The following PFKFB1 variants were observed in gnomAD, a reference collection of about 807,000 sequenced individuals.
PFKFB1 encodes the protein 6-phosphofructo-2-kinase/fructose-2,6-bisphosphatase 1.
A neutral mutation model predicts 46.4 loss-of-function variants in PFKFB1; 34 were observed. The ratio of observed to expected loss-of-function variants is 0.73; its 90% CI spans 0.56 to 0.98. The LOEUF (loss-of-function observed/expected upper bound fraction) is 0.98, where lower values mean the gene tolerates loss of function less well. PFKFB1 is among the 50% of genes least tolerant of loss of function. PFKFB1 has a pLI of 0.00. For synonymous variants in PFKFB1, 119 were observed against 133.8 expected (o/e 0.89, Z 0.76); for missense variants, 393 against 376.3 (o/e 1.04, Z -0.37).
chrX:54,959,827 C>T lies in PFKFB1; in HGVS notation c.384G>A (p.Ala128=), dbSNP rs201183926. The part of the protein sequence containing the change: ...NYLSHEEGHV[A]VFDATNTTRE... ...AGGAAAAAATAAAAAATTTCTTTAC[C>T]GCAACATGACCTTCCTCATGGCTGA... Residue 128 remains alanine, a splice_region_variant and synonymous_variant, in exon 4 of 14, where the codon GCG becomes GCA. Transcript: ENST00000375006. 6.7e-5 allele frequency: 80 copies of T among 1,197,388 alleles called. No homozygotes were observed. Among genetic ancestry groups the T allele is most frequent in the Non-Finnish European group, 8.4e-5 (74 of 884,472 alleles).
chrX:54,947,863 A>C (rs1187657453), intron 9 of PFKFB1, among the ~76,000 whole-genome samples: 1 of 110,350 alleles, frequency 9.1e-6, no homozygotes, highest in Non-Finnish European at 1.9e-5. Context: ...TGGGTCCTTC[A>C]TGTCTCCCTC....
chrX:54,971,554 A>G (rs1352952627), intron 1 of PFKFB1, among the ~76,000 whole-genome samples: 1 of 111,861 alleles, frequency 8.9e-6, no homozygotes, highest in East Asian at 2.8e-4. Context: ...CTTTCTACAT[A>G]TGGCTAGCCA....
intron 1 of PFKFB1, among the ~76,000 whole-genome samples, chrX:54,982,121 T>G (rs1038457223): frequency 8.9e-6 from 1 of 111,915 alleles, no homozygotes; most frequent in Admixed American, 9.5e-5. Context: ...TAAAATAATT[T>G]AGTTCAACAT....
At chrX:54,977,048 C>T (rs981541277) in intron 1 of PFKFB1, among the ~76,000 whole-genome samples, 3 of 110,202 alleles carry the variant, frequency 2.7e-5, no homozygotes, top group Admixed American at 9.7e-5. Flanking sequence ...TTGTTCTATA[C>T]GGTACTATGG....
At position 54,945,370 on chromosome X, in the gene PFKFB1, G is replaced by T. The variant is rs374678659; in HGVS notation, c.1098+69C>A. On this transcript the variant is annotated intron_variant, in intron 10 of 13. Coordinates refer to ENST00000375006, the MANE Select transcript of PFKFB1 (RefSeq NM_002625.4). ...TTCTAAAGCTGTCTAGACAATTGTG[G>T]AATCCTAGCAGTTGCAATGAAGACA... 11 of 591,208 alleles carry T rather than the reference G, an allele frequency of 1.9e-5. No individual in the cohort carries two copies. The South Asian group carries it at 1.9e-4, about 10-fold the overall frequency. The allele number at this position is 591,208 out of a possible 1,213,427, so 48.7% of individuals were successfully genotyped here.
intron 1 of PFKFB1, among the ~76,000 whole-genome samples, chrX:54,963,717 T>C (rs891780103): frequency 2.7e-5 from 3 of 112,347 alleles, no homozygotes; most frequent in Non-Finnish European, 5.6e-5. Context: ...AGTGTGAGAA[T>C]GTGAAGCCTG....
intron 7 of PFKFB1, among the ~76,000 whole-genome samples, chrX:54,953,537 G>A (rs891851662): frequency 4.6e-4 from 51 of 111,847 alleles, no homozygotes; most frequent in Admixed American, 9.5e-5. Flanking sequence ...GAGAGAGAAA[G>A]TGATTTCTCC....
At chrX:54,964,442 T>C (rs1934413885) in intron 1 of PFKFB1, among the ~76,000 whole-genome samples, 1 of 112,476 alleles carries the variant, frequency 8.9e-6, no homozygotes, top group Admixed American at 9.4e-5. Context: ...AAACAATGTC[T>C]GAAGAGAAAA....
chrX:54,986,723 G>T (rs1381560977), intron 1 of PFKFB1, among the ~76,000 whole-genome samples: 1 of 111,713 alleles, frequency 9.0e-6, no homozygotes, highest in Non-Finnish European at 1.9e-5. Context: ...CCAAACAGCA[G>T]ACTATACATT....
chrX:54,942,209 C>T (rs1933663238), intron 10 of PFKFB1, among the ~76,000 whole-genome samples: 1 of 110,290 alleles, frequency 9.1e-6, no homozygotes, highest in Non-Finnish European at 1.9e-5. Flanking sequence ...CACTTGGACA[C>T]AGGAAGGGGA....
intron 12 of PFKFB1, 114 bp downstream of exon 12, chrX:54,934,833 C>T (rs1200921359): frequency 7.3e-6 from 4 of 546,685 alleles, no homozygotes; most frequent in Non-Finnish European, 1.3e-5. Context: ...GAACCTCCTG[C>T]AGGACACCCA....
At chrX:54,967,658 A>G (rs767793812) in intron 1 of PFKFB1, among the ~76,000 whole-genome samples, 69 of 46,508 alleles carry the variant, frequency 1.5e-3, no homozygotes, top group Non-Finnish European at 2.3e-3. Context: ...AAAGTGGGTG[A>G]AGGACATCAA....
chrX:54,995,592 A>G (rs1021994735), upstream of PFKFB1, among the ~76,000 whole-genome samples: 2 of 112,375 alleles, frequency 1.8e-5, no homozygotes, highest in African/African-American at 6.5e-5. Flanking sequence ...CTTGTTGGCT[A>G]TGAGGCAATG....
At chrX:54,978,894 G>A (rs867609044) in intron 1 of PFKFB1, among the ~76,000 whole-genome samples, 1 of 111,646 alleles carries the variant, frequency 9.0e-6, no homozygotes. Flanking sequence ...GAAAAACAAG[G>A]AAAGACTGAA....
At chrX:54,990,103 C>A (rs1935204044) in intron 1 of PFKFB1, among the ~76,000 whole-genome samples, 1 of 110,643 alleles carries the variant, frequency 9.0e-6, no homozygotes, top group African/African-American at 3.3e-5. Context: ...AGCTGAGCAG[C>A]AGGCAACTCT....
intron 1 of PFKFB1, among the ~76,000 whole-genome samples, chrX:54,966,864 A>G: frequency 8.9e-6 from 1 of 111,953 alleles, no homozygotes; most frequent in East Asian, 2.8e-4. Flanking sequence ...GATAAAGGAA[A>G]GGGAAGAGTT....
intron 1 of PFKFB1, among the ~76,000 whole-genome samples, chrX:54,972,218 T>C (rs1381241741): frequency 9.0e-6 from 1 of 111,556 alleles, no homozygotes; most frequent in Non-Finnish European, 1.9e-5. Context: ...AAGTTGCTTA[T>C]CAGCTTAAGG....
At chrX:54,998,334 C>A (rs1935385684), upstream of PFKFB1, 6 of 976,176 alleles carry the variant, frequency 6.1e-6, no homozygotes, top group Admixed American at 2.6e-5. Context: ...GCAAAGAAAA[C>A]TTTCCAGAGG....
chrX:54,995,560 G>C (rs1215338523), upstream of PFKFB1, among the ~76,000 whole-genome samples: 1 of 112,130 alleles, frequency 8.9e-6, no homozygotes, highest in Non-Finnish European at 1.9e-5. Flanking sequence ...AATATTTCTT[G>C]AGTGGAATCC....
Sources: gnomAD v4.1 joint callset for allele counts (sites outside exome capture counted in the v4.1 genomes callset) on GRCh38, gnomAD v4.1.1 for gene constraint, MANE v1.5 for transcripts, NCBI Gene and HGNC (gene_info 2026-07-23, HGNC 2026-07-21) for gene names.